Variants in IQSEC1 observed in about 807,000 individuals in gnomAD.
IQSEC1 encodes the protein IQ motif and Sec7 domain ArfGEF 1.
In IQSEC1, 31 loss-of-function variants were observed where a neutral mutation model predicts 91.0. The observed-to-expected ratio is 0.34, with a 90% CI of 0.26 to 0.46. The LOEUF (loss-of-function observed/expected upper bound fraction) is 0.46, where lower values mean the gene tolerates loss of function less well. Among genes scored for constraint, IQSEC1 ranks in the 20% least tolerant of loss-of-function variants. The pLI, the probability that IQSEC1 is intolerant of heterozygous loss-of-function variation, is 1.00. For synonymous variants in IQSEC1, 699 were observed against 662.6 expected (o/e 1.05, Z -0.84); for missense variants, 1,388 against 1,575.6 (o/e 0.88, Z 2.02).
In IQSEC1 at chr3:13,202,090, G is replaced by A. The variant is rs542567232; in HGVS notation, c.273-37957C>T. Among the ~76,000 whole-genome samples, 9 of 152,288 alleles carry A rather than the reference G, an allele frequency of 5.9e-5. No homozygotes were observed. The South Asian group carries it at 1.0e-3, about 18-fold the overall frequency. On this transcript the variant is annotated intron_variant, in intron 1 of 15. Transcript: ENST00000648114. ...TGTCTCTATCCACTCATTCTACCAC[G>A]TGCAAAAGTCTGTGCTGGCACCTCA...
At chr3:13,113,361 CTGTG>C (rs1706282386) in intron 2 of IQSEC1, among the ~76,000 whole-genome samples, 1 of 152,224 alleles carries the variant, frequency 6.6e-6, no homozygotes, top group Non-Finnish European at 1.5e-5. Flanking sequence ...CCCCTTACTG[CTGTG>C]TGATATTGGC....
At chr3:13,004,104 G>A (rs1702535804) in intron 1 of IQSEC1, among the ~76,000 whole-genome samples, 1 of 151,992 alleles carries the variant, frequency 6.6e-6, no homozygotes, top group Admixed American at 6.5e-5. Context: ...ATTATTGTTG[G>A]GACCTTGAAT....
chr3:12,987,860 C>T (rs1220698523), intron 1 of IQSEC1, among the ~76,000 whole-genome samples: 3 of 152,212 alleles, frequency 2.0e-5, no homozygotes, highest in Non-Finnish European at 4.4e-5. Context: ...CGGGGAGATG[C>T]AAATTCAAAC....
intron 1 of IQSEC1, 26 bp downstream of exon 1, chr3:13,072,966 G>A (rs1255387638): frequency 6.5e-7 from 1 of 1,549,548 alleles, no homozygotes; most frequent in Admixed American, 2.0e-5. Flanking sequence ...TCTGGCTTCA[G>A]GCAGAAACCT....
At chr3:13,253,828 C>T (rs907683088) in intron 1 of IQSEC1, among the ~76,000 whole-genome samples, 4 of 152,162 alleles carry the variant, frequency 2.6e-5, no homozygotes, top group African/African-American at 9.7e-5. Flanking sequence ...CATGCTTTTC[C>T]AAGTGCCTCG....
At chr3:13,217,458 C>A (rs990990616) in intron 1 of IQSEC1, among the ~76,000 whole-genome samples, 5 of 152,206 alleles carry the variant, frequency 3.3e-5, no homozygotes, top group African/African-American at 4.8e-5. Context: ...AGTAGTAGTC[C>A]ACTGTGTGGA....
intron 2 of IQSEC1, among the ~76,000 whole-genome samples, chr3:13,116,813 T>A (rs1381485036): frequency 6.6e-6 from 1 of 151,210 alleles, no homozygotes; most frequent in Non-Finnish European, 1.5e-5. Flanking sequence ...CAAAAACAAA[T>A]AAACAAACAA....
At chr3:13,249,587 C>G (rs1357212333) in intron 1 of IQSEC1, among the ~76,000 whole-genome samples, 1 of 152,084 alleles carries the variant, frequency 6.6e-6, no homozygotes, top group Non-Finnish European at 1.5e-5. Flanking sequence ...CATTAGGAAC[C>G]AATACGGAGC....
At chr3:13,224,758 T>TC (rs1169929029) in intron 1 of IQSEC1, among the ~76,000 whole-genome samples, 2 of 151,462 alleles carry the variant, frequency 1.3e-5, no homozygotes, top group Non-Finnish European at 2.9e-5. Flanking sequence ...CCATTGTCAA[T>TC]CCCCCCGCCA....
intron 1 of IQSEC1, among the ~76,000 whole-genome samples, chr3:13,048,070 T>C (rs975508640): frequency 5.9e-5 from 9 of 152,140 alleles, no homozygotes; most frequent in African/African-American, 2.2e-4. Flanking sequence ...GTCTGTGCTA[T>C]GGGGTGTGGG....
At chr3:13,087,004 G>A (rs1457372666) in intron 2 of IQSEC1, among the ~76,000 whole-genome samples, 1 of 152,204 alleles carries the variant, frequency 6.6e-6, no homozygotes, top group African/African-American at 2.4e-5. Context: ...CCAACCAAAC[G>A]AATGAATGAC....
chr3:12,920,716 T>C (rs999638237), intron 5 of IQSEC1, 120 bp from the exon 6 acceptor site: 5 of 1,053,620 alleles, frequency 4.7e-6, no homozygotes, highest in African/African-American at 1.6e-5. Flanking sequence ...TGAGCGAGGA[T>C]CACACCTGCC....
chr3:12,967,504 G>C lies in IQSEC1; in HGVS notation c.24-25639C>G, dbSNP rs1041365242. 10 of 1,439,024 alleles carry C rather than the reference G, an allele frequency of 6.9e-6. No homozygotes were observed. In the Admixed American group the frequency reaches 2.3e-4, roughly 34 times the overall value. The allele number at this position is 1,439,024 out of a possible 1,614,324, so 89.1% of individuals were successfully genotyped here. A position where few individuals can be genotyped will look rare whatever the true frequency, so the allele number is the denominator to read the frequency against. On this transcript the variant is annotated intron_variant, in intron 1 of 13. Transcript: ENST00000613206. The surrounding 1 kb of genome is among the most constrained non-coding windows in gnomAD (Gnocchi z 5.9). ...CGGGAGCCGGGACCCAGGCCCAGCA[G>C]AGGCCGCCGACTCCCGCCAGCGAGC...
At chr3:12,920,667 G>A (rs1417105253) in intron 5 of IQSEC1, 71 bp from the exon 6 acceptor site, 14 of 1,505,564 alleles carry the variant, frequency 9.3e-6, no homozygotes, top group Non-Finnish European at 1.3e-5. Context: ...CACCCGCTGA[G>A]GCTGTCATGT....
intron 1 of IQSEC1, among the ~76,000 whole-genome samples, chr3:12,985,067 G>A (rs957544965): frequency 5.3e-5 from 8 of 151,976 alleles, no homozygotes; most frequent in East Asian, 3.9e-4. Context: ...CTCGTGATCC[G>A]CCCACCTCGG....
rs1350878232 is a variant in IQSEC1 at position 12,936,030 on chromosome 3, T to C, written c.986A>G (p.Tyr329Cys). The stretch of plus-strand genomic sequence containing the variant: ...GTCCTCTTTGTGGGCCAGGGCCCAG[T>C]AGTCTGGGGCTGCGCCCCCAGCCCG... ...RLRAGGAAPD[Y>C]WALAHKEDKA... The change falls in exon 3 of 14, where the codon TAC (tyrosine) becomes TGC (cysteine). Residue 329 changes from tyrosine to cysteine, a missense_variant. By Grantham distance (194) the Tyr-to-Cys change is radical. Around this residue, in one of 2 missense-constraint regions of IQSEC1, gnomAD observed 1,059 missense variants for 1,317.8 expected, o/e 0.80. Coordinates refer to ENST00000613206, the MANE Select transcript of IQSEC1 (RefSeq NM_001134382.3). 10 of 1,602,370 alleles carry C rather than the reference T, an allele frequency of 6.2e-6. No homozygotes were observed. In the East Asian group the frequency reaches 6.7e-5, roughly 11 times the overall value.
intron 3 of IQSEC1, among the ~76,000 whole-genome samples, chr3:12,933,787 C>A (rs1575958766): frequency 1.3e-5 from 2 of 152,240 alleles, no homozygotes; most frequent in Non-Finnish European, 2.9e-5. Flanking sequence ...CTGCAACATG[C>A]TGAGTCCAAG....
chr3:12,977,364 AAG>A (rs1701232755), intron 1 of IQSEC1, among the ~76,000 whole-genome samples: 1 of 151,774 alleles, frequency 6.6e-6, no homozygotes, highest in Non-Finnish European at 1.5e-5. Context: ...AAAAAAAAAA[AAG>A]CGCTATCCCG....
rs560285303 is a variant in IQSEC1, at chr3:13,248,331, G to A, written c.272+34380C>T. On this transcript the variant is annotated intron_variant, in intron 1 of 15. Coordinates refer to the IQSEC1 transcript ENST00000648114. ...CAACAAAGAAGGAATCTCTCAGCTG[G>A]TGCTTGAGGATCCCCGAGCTCTGGA... is the stretch of plus-strand genomic sequence containing the variant. 7.9e-5 allele frequency among the ~76,000 whole-genome samples: 12 copies of A among 152,306 alleles called. No homozygotes were observed. The East Asian group carries it at 1.9e-3, about 24-fold the overall frequency.
Sources: allele counts gnomAD v4.1 joint callset (sites outside exome capture counted in the v4.1 genomes callset), GRCh38; gene constraint gnomAD v4.1.1; regional missense constraint gnomAD v4.1.1; non-coding constraint Gnocchi (gnomAD v3.1); transcripts MANE v1.5; gene names NCBI Gene and HGNC (gene_info 2026-07-23, HGNC 2026-07-21).